The following PID1 variants were observed in gnomAD, a reference collection of about 807,000 sequenced individuals.
PID1 encodes PTB-containing, cubilin and LRP1-interacting protein.
Under a neutral mutation model 19.1 loss-of-function variants are expected in PID1, and 10 were observed. That is an observed-to-expected ratio of 0.52 (90% CI 0.32 to 0.89). The LOEUF (loss-of-function observed/expected upper bound fraction) is 0.89. Ranked by LOEUF, PID1 falls within the 40% of genes least tolerant of loss-of-function variation. The pLI, the probability that PID1 is intolerant of heterozygous loss-of-function variation, is 0.03. For synonymous variants in PID1, 130 were observed against 116.0 expected (o/e 1.12, Z -0.78); for missense variants, 248 against 285.3 (o/e 0.87, Z 0.94).
intron 2 of PID1, among the ~76,000 whole-genome samples, chr2:229,082,125 G>T (rs1207494203): frequency 6.6e-6 from 1 of 152,198 alleles, no homozygotes; most frequent in Non-Finnish European, 1.5e-5. Flanking sequence ...TTCTTGAGAT[G>T]TCACCATGAT....
chr2:229,113,639 T>C (rs1695349548), intron 2 of PID1, among the ~76,000 whole-genome samples: 1 of 150,570 alleles, frequency 6.6e-6, no homozygotes, highest in Non-Finnish European at 1.5e-5. Flanking sequence ...TATTTACAGA[T>C]GGGAAGACTG....
intron 1 of PID1, among the ~76,000 whole-genome samples, chr2:229,177,488 AT>A (rs1273848531): frequency 6.6e-6 from 1 of 151,884 alleles, no homozygotes; most frequent in African/African-American, 2.4e-5. Context: ...TGCTTTTCTC[AT>A]TCTCTCAATT....
rs1385548166 is a variant in PID1 at position 229,184,147 on chromosome 2, CA to C, written c.31-28184del. Among the ~76,000 whole-genome samples, 6 of 20,334 alleles carry C rather than the reference CA, an allele frequency of 3.0e-4. 3 individuals are homozygous for C. The East Asian group carries it at 6.6e-3, about 22-fold the overall frequency. 13.3% of individuals were successfully genotyped at this position (20,334 alleles called of 152,430 possible). Reference sequence around the variant, plus strand: ...ATATGTATATCCCATATGTATATCCCATATGTATATATCCCATATGTATATA... The same window carrying C: ...ATATGTATATCCCATATGTATATCCCTATGTATATATCCCATATGTATATA... On this transcript the variant is annotated intron_variant, in intron 1 of 2. Coordinates refer to ENST00000392055, the MANE Select transcript of PID1 (RefSeq NM_001100818.2).
intron 2 of PID1, among the ~76,000 whole-genome samples, chr2:229,145,952 A>G (rs1054141545): frequency 6.6e-6 from 1 of 152,254 alleles, no homozygotes; most frequent in Non-Finnish European, 1.5e-5. Flanking sequence ...TTACAGAGCA[A>G]TTTTCTTTAT....
intron 1 of PID1, among the ~76,000 whole-genome samples, chr2:229,203,672 A>G (rs1202183940): frequency 1.3e-5 from 2 of 152,102 alleles, no homozygotes; most frequent in South Asian, 4.1e-4. Flanking sequence ...TCAAAATTCA[A>G]GGGACGGAAA....
intron 2 of PID1, among the ~76,000 whole-genome samples, chr2:229,049,474 G>C (rs6436831): frequency 0.52 from 79,448 of 151,992 alleles, 21,524 homozygotes; most frequent in East Asian, 0.67. Context: ...CAATCCTGGT[G>C]GGTAGCTGAA....
intron 2 of PID1, among the ~76,000 whole-genome samples, chr2:229,031,215 CAAAAAAA>C (rs3083804): frequency 7.3e-5 from 5 of 68,426 alleles, no homozygotes; most frequent in African/African-American, 2.5e-4. Context: ...GACTCTGTCT[CAAAAAAA>C]AAAAAAAAAA....
chr2:229,051,571 C>G (rs1301678370), intron 2 of PID1, among the ~76,000 whole-genome samples: 1 of 152,126 alleles, frequency 6.6e-6, no homozygotes, highest in African/African-American at 2.4e-5. Flanking sequence ...CTCCAGAGCC[C>G]AAGCGATCTG....
intron 2 of PID1, among the ~76,000 whole-genome samples, chr2:229,123,799 C>CCTTT (rs762220325): frequency 5.9e-5 from 9 of 152,092 alleles, no homozygotes; most frequent in Admixed American, 1.3e-4. Flanking sequence ...GCTTATTGAC[C>CCTTT]CTTTGTATAT....
intron 2 of PID1, among the ~76,000 whole-genome samples, chr2:229,106,347 C>T (rs2106143336): frequency 6.6e-6 from 1 of 152,292 alleles, no homozygotes; most frequent in East Asian, 1.9e-4. Context: ...TTCCTAATCC[C>T]TCCCTTGAAA....
intron 1 of PID1, among the ~76,000 whole-genome samples, chr2:229,190,893 G>T (rs1275494734): frequency 6.6e-5 from 10 of 152,154 alleles, no homozygotes; most frequent in Admixed American, 6.5e-4. Context: ...GCAAAAACTG[G>T]TTCTTGATAG....
At chr2:229,059,003 T>A (rs1694158614) in intron 2 of PID1, among the ~76,000 whole-genome samples, 1 of 152,148 alleles carries the variant, frequency 6.6e-6, no homozygotes, top group African/African-American at 2.4e-5. Context: ...CAATATAAAT[T>A]TTGTAAATAT....
At position 229,264,534 on chromosome 2, in the gene PID1, C is replaced by G. The variant is rs571903634; in HGVS notation, c.30+6480G>C. Among the ~76,000 whole-genome samples the G allele has an allele frequency of 2.6e-5, 4 of 152,284 alleles. No individual in the cohort carries two copies. In the South Asian group the frequency reaches 8.3e-4, roughly 32 times the overall value. ...CCTAACACCCACTATCATATATGAA[C>G]CTCCATCATCTTCACCCCCAACTGT... On this transcript the variant is annotated intron_variant, in intron 1 of 2. Transcript: ENST00000392055.
At chr2:229,118,849 A>G (rs1054771200) in intron 2 of PID1, among the ~76,000 whole-genome samples, 1 of 152,230 alleles carries the variant, frequency 6.6e-6, no homozygotes, top group African/African-American at 2.4e-5. Context: ...AAAACAAAAC[A>G]AAACAAAAAA....
At position 229,167,249 on chromosome 2, in the gene PID1, T is replaced by C. The variant is rs921956057; in HGVS notation, c.31-11285A>G. 2.0e-5 allele frequency among the ~76,000 whole-genome samples: 3 copies of C among 152,132 alleles called. No individual in the cohort carries two copies. In the South Asian group the frequency reaches 6.2e-4, roughly 31 times the overall value. ...GCTAAATATGATGAGAATGAAGATA[T>C]TTATATTGTCTCAAAGAATCTTTCC... On this transcript the variant is annotated intron_variant, in intron 1 of 2. Transcript: ENST00000392055.
At chr2:229,056,014 C>T (rs936798607) in intron 2 of PID1, among the ~76,000 whole-genome samples, 3 of 152,132 alleles carry the variant, frequency 2.0e-5, no homozygotes, top group South Asian at 2.1e-4. Flanking sequence ...TTCAATTAAC[C>T]CTTCATTAAC....
intron 2 of PID1, among the ~76,000 whole-genome samples, chr2:229,119,636 A>G (rs938788561): frequency 6.6e-6 from 1 of 152,212 alleles, no homozygotes; most frequent in Non-Finnish European, 1.5e-5. Context: ...CAAAAAATCA[A>G]TGGCCTTACA....
At chr2:229,162,613 T>C (rs1690512913) in intron 1 of PID1, among the ~76,000 whole-genome samples, 1 of 152,230 alleles carries the variant, frequency 6.6e-6, no homozygotes, top group South Asian at 2.1e-4. Flanking sequence ...AACAATTGGG[T>C]GAATCAGATT....
intron 2 of PID1, among the ~76,000 whole-genome samples, chr2:229,053,943 G>C (rs1044593252): frequency 6.6e-6 from 1 of 152,158 alleles, no homozygotes. Flanking sequence ...ACAACTTTAA[G>C]AAATGAAAAT....
Sources: gnomAD v4.1 joint callset for allele counts (sites outside exome capture counted in the v4.1 genomes callset) on GRCh38, gnomAD v4.1.1 for gene constraint, MANE v1.5 for transcripts, NCBI Gene and HGNC (gene_info 2026-07-23, HGNC 2026-07-21) for gene names.